Variants in NRXN1 observed in about 807,000 individuals in gnomAD.
The protein encoded by NRXN1 is neurexin 1.
NRXN1 carries 39 observed loss-of-function variants against 150.9 expected under a neutral mutation model. The ratio of observed to expected loss-of-function variants is 0.26; its 90% CI spans 0.20 to 0.34. NRXN1 has a LOEUF of 0.34. Ranked by LOEUF, NRXN1 falls within the 10% of genes least tolerant of loss-of-function variation. NRXN1 has a pLI of 1.00. For missense variants in NRXN1, 1,815 were observed against 1,949.9 expected, an observed-to-expected ratio of 0.93 and a Z score of 1.30; for synonymous variants, 924 against 757.0, an observed-to-expected ratio of 1.22 and a Z score of -3.62.
chr2:50,024,003 G>T (rs549389191), intron 21 of NRXN1: 64 of 152,218 alleles, frequency 4.2e-4, no homozygotes, highest in African/African-American at 1.4e-3. Context: ...CTATTTTACA[G>T]ATGAAGTTGG....
chr2:50,887,709 A>G (rs1220677825), intron 5 of NRXN1, among the ~76,000 whole-genome samples: 3 of 151,456 alleles, frequency 2.0e-5, no homozygotes, highest in Admixed American at 6.6e-5. Flanking sequence ...ACTATCATTT[A>G]TTTAATTTTT....
intron 5 of NRXN1, among the ~76,000 whole-genome samples, chr2:50,683,970 T>A (rs1324611199): frequency 6.6e-6 from 1 of 151,974 alleles, no homozygotes; most frequent in Admixed American, 6.6e-5. Flanking sequence ...TCTTCCCTAA[T>A]GGTATGAGAT....
At chr2:50,283,369 C>T (rs1227596754) in intron 17 of NRXN1, among the ~76,000 whole-genome samples, 2 of 152,114 alleles carry the variant, frequency 1.3e-5, no homozygotes, top group Admixed American at 6.6e-5. Flanking sequence ...TATGCAAATG[C>T]TTAAGAAATA....
chr2:50,802,627 A>G (rs1461171968), intron 5 of NRXN1, among the ~76,000 whole-genome samples: 1 of 151,482 alleles, frequency 6.6e-6, no homozygotes. Flanking sequence ...AAAGAAAAGA[A>G]AGAAGGGAGG....
intron 17 of NRXN1, among the ~76,000 whole-genome samples, chr2:50,349,863 C>T (rs1230492558): frequency 1.3e-5 from 2 of 152,136 alleles, no homozygotes; most frequent in Non-Finnish European, 2.9e-5. Context: ...TTCCAATACC[C>T]TCATATATTG....
chr2:50,729,319 T>C (rs1049408639), intron 5 of NRXN1, among the ~76,000 whole-genome samples: 2 of 152,366 alleles, frequency 1.3e-5, no homozygotes, highest in Middle Eastern at 3.4e-3. Context: ...TTACAAAGTT[T>C]TTCTCATTTG....
Position 50,959,629 on chromosome 2 carries a change from T to C in NRXN1, c.773-33674A>G, listed in dbSNP as rs141929449. Among the ~76,000 whole-genome samples, 310 of 152,066 alleles carry C rather than the reference T, an allele frequency of 2.0e-3. 1 individual carries two copies. The highest frequency in any genetic ancestry group is 7.0e-3 in the African/African-American group (291 of 41,542). ...GGGAAGGACTATAAATGGTTGTGGG[T>C]TTCTTTTTGGATAATGAAAATATTC... On this transcript the variant is annotated intron_variant, in intron 2 of 22. Coordinates refer to ENST00000401669, the MANE Select transcript of NRXN1 (RefSeq NM_001330078.2).
At chr2:50,430,625 C>T (rs542594499) in intron 17 of NRXN1, among the ~76,000 whole-genome samples, 86 of 152,142 alleles carry the variant, frequency 5.7e-4, no homozygotes, top group Non-Finnish European at 1.1e-3. Flanking sequence ...TTCTAGGTGA[C>T]TGTGAAAGAC....
intron 5 of NRXN1, among the ~76,000 whole-genome samples, chr2:50,772,300 T>C (rs1341301078): frequency 6.6e-6 from 1 of 151,726 alleles, no homozygotes; most frequent in Admixed American, 6.6e-5. Context: ...TTCCACATTA[T>C]CTAGGATGAG....
chr2:50,892,270 T>C (rs1425683506), intron 5 of NRXN1, among the ~76,000 whole-genome samples: 1 of 152,108 alleles, frequency 6.6e-6, no homozygotes, highest in Non-Finnish European at 1.5e-5. Flanking sequence ...CTTCATTAAA[T>C]GAAGTTTTGA....
At chr2:50,453,584 G>A (rs753183980) in intron 17 of NRXN1, among the ~76,000 whole-genome samples, 1 of 152,086 alleles carries the variant, frequency 6.6e-6, no homozygotes, top group Admixed American at 6.5e-5. Flanking sequence ...AAACAATCAC[G>A]CAAACTAAGT....
chr2:50,573,157 C>T lies in NRXN1; in HGVS notation c.1321-20132G>A, dbSNP rs896599543. Among the ~76,000 whole-genome samples the T allele has an allele frequency of 1.3e-4, 20 of 151,970 alleles. 1 individual carries two copies. The highest frequency in any genetic ancestry group is 2.9e-4 in the Non-Finnish European group (20 of 67,984). ...GGTTGGGGCAGGAGGATTGCTTGAG[C>T]TCAGGAGTTCGAGACCAGCCTAGGC... On this transcript the variant is annotated intron_variant, in intron 8 of 22. Transcript: ENST00000401669.
intron 5 of NRXN1, among the ~76,000 whole-genome samples, chr2:50,653,445 T>A (rs1042514249): frequency 1.3e-5 from 2 of 152,046 alleles, no homozygotes; most frequent in Non-Finnish European, 2.9e-5. Flanking sequence ...ACTCAGTTAC[T>A]TTTTACAAGA....
intron 2 of NRXN1, among the ~76,000 whole-genome samples, chr2:51,026,865 C>G (rs1325184258): frequency 1.3e-5 from 2 of 152,158 alleles, no homozygotes; most frequent in African/African-American, 4.8e-5. Context: ...TCCAAAAAGC[C>G]TCCTGCTAAT....
At chr2:50,876,673 A>AT (rs1488297322) in intron 5 of NRXN1, among the ~76,000 whole-genome samples, 2 of 151,872 alleles carry the variant, frequency 1.3e-5, no homozygotes, top group African/African-American at 4.8e-5. Flanking sequence ...GAGATCAAAT[A>AT]TGCCAGTTTA....
At chr2:49,974,769 G>C (rs1208825306) in intron 21 of NRXN1, among the ~76,000 whole-genome samples, 2 of 124,554 alleles carry the variant, frequency 1.6e-5, no homozygotes, top group African/African-American at 5.4e-5. Context: ...TTTTTTTTTG[G>C]CCAATTACAA....
chr2:50,098,055 C>T (rs1208775444), intron 18 of NRXN1, among the ~76,000 whole-genome samples: 3 of 152,102 alleles, frequency 2.0e-5, no homozygotes, highest in Non-Finnish European at 4.4e-5. Context: ...TTGTTTTAAC[C>T]TGGCACTGAG....
intron 5 of NRXN1, among the ~76,000 whole-genome samples, chr2:50,802,679 C>A (rs1336603552): frequency 6.6e-6 from 1 of 151,762 alleles, no homozygotes; most frequent in Non-Finnish European, 1.5e-5. Flanking sequence ...AAAATAGGGT[C>A]TTTTTAGAGG....
chr2:50,992,230 C>A (rs1229850076), intron 2 of NRXN1, among the ~76,000 whole-genome samples: 1 of 151,972 alleles, frequency 6.6e-6, no homozygotes, highest in African/African-American at 2.4e-5. Flanking sequence ...TGCATGTGTT[C>A]TCTTTTATTC....
Sources: gnomAD v4.1 joint callset for allele counts (sites outside exome capture counted in the v4.1 genomes callset) on GRCh38, gnomAD v4.1.1 for gene constraint, MANE v1.5 for transcripts, NCBI Gene and HGNC (gene_info 2026-07-23, HGNC 2026-07-21) for gene names.